PAPOLA: variants seen among roughly 807,000 people sequenced by gnomAD.
PAPOLA encodes polynucleotide adenylyltransferase alpha.
Under a neutral mutation model 100.6 loss-of-function variants are expected in PAPOLA, and 15 were observed. The observed-to-expected ratio is 0.15, with a 90% CI of 0.10 to 0.23. The LOEUF is 0.23. Among genes scored for constraint, PAPOLA ranks in the 10% least tolerant of loss-of-function variants. The probability of loss-of-function intolerance (pLI) is 1.00; values close to 1 mark genes in which losing one functional copy is unlikely to be tolerated. For missense variants in PAPOLA, 533 were observed against 884.2 expected (o/e 0.60, Z 5.04); for synonymous variants, 293 against 300.0 (o/e 0.98, Z 0.24).
chr14:96,509,629 C>G (rs1045379951), intron 1 of PAPOLA, among the ~76,000 whole-genome samples: 13 of 152,294 alleles, frequency 8.5e-5, no homozygotes, highest in African/African-American at 3.1e-4. Flanking sequence ...TGCTATGCAC[C>G]TAGGCCTATG....
chr14:96,519,151 C>T (rs1595508746), intron 1 of PAPOLA, among the ~76,000 whole-genome samples: 1 of 151,076 alleles, frequency 6.6e-6, no homozygotes, highest in African/African-American at 2.4e-5. Context: ...CTGGCCTCAA[C>T]TCCTGGGCTC....
Position 96,565,183 on chromosome 14 carries a change from C to T in PAPOLA, c.*133C>T, listed in dbSNP as rs1902176852. The T allele has an allele frequency of 1.6e-6, 1 of 609,582 alleles. No individual in the cohort carries two copies. Among genetic ancestry groups the T allele is most frequent in the Non-Finnish European group, 3.0e-6 (1 of 332,886 alleles). The allele number at this position is 609,582 out of a possible 1,614,324, so 37.8% of individuals were successfully genotyped here. A position where few individuals can be genotyped will look rare whatever the true frequency, so the allele number is the denominator to read the frequency against. On this transcript the variant is annotated 3_prime_UTR_variant, in exon 22 of 22. Coordinates refer to ENST00000216277, the MANE Select transcript of PAPOLA (RefSeq NM_032632.5). ...TTGGGTTTTTTGGTGACCTCCCTTA[C>T]TGGGCTAATCAGCACTTGATCGGAA... is the stretch of plus-strand genomic sequence containing the variant.
chr14:96,562,711 C>A (rs975126252), intron 20 of PAPOLA, 108 bp from the exon 21 acceptor site: 31 of 638,642 alleles, frequency 4.9e-5, no homozygotes, highest in Middle Eastern at 5.2e-4. Flanking sequence ...TTCTCTTGAT[C>A]CCTCCTGTCT....
intron 9 of PAPOLA, chr14:96,533,278 G>A: frequency 1.0e-6 from 1 of 984,858 alleles, no homozygotes. Context: ...TGGCCCAAAA[G>A]GTGAGGGTTC....
Position 96,520,990 on chromosome 14 carries a change from A to AT in PAPOLA, c.183-14dup, listed in dbSNP as rs781166417. On this transcript the variant is annotated splice_polypyrimidine_tract_variant and intron_variant, in intron 2 of 21. Coordinates refer to ENST00000216277, the MANE Select transcript of PAPOLA (RefSeq NM_032632.5). The stretch of plus-strand genomic sequence containing the variant: ...AATGATCTGGAATACTTGATTGATA[A>AT]TTGTTTTATCAACAGGATTTTAATT... The AT allele has an allele frequency of 5.1e-6, 6 of 1,167,184 alleles. No homozygotes were observed. The highest frequency in any genetic ancestry group is 7.8e-6 in the Non-Finnish European group (6 of 773,072). The allele number at this position is 1,167,184 out of a possible 1,614,324, so 72.3% of individuals were successfully genotyped here. A position where few individuals can be genotyped will look rare whatever the true frequency, so the allele number is the denominator to read the frequency against.
chr14:96,521,006 G>A lies in PAPOLA; in HGVS notation c.183G>A (p.Arg61=), dbSNP rs751468551. The change falls in exon 3 of 22, where the codon AGG becomes AGA. Residue 61 remains arginine (R), a splice_region_variant and synonymous_variant. Transcript: ENST00000216277. The part of the protein sequence containing the change: ...VFEEEEELQR[R]ILILGKLNNL... ...TGATTGATAATTGTTTTATCAACAG[G>A]ATTTTAATTTTGGGAAAACTAAATA... 103 of 1,413,926 alleles carry A rather than the reference G, an allele frequency of 7.3e-5. No homozygotes were observed. Among genetic ancestry groups the A allele is most frequent in the Non-Finnish European group, 7.8e-5 (78 of 998,304 alleles). The allele number at this position is 1,413,926 out of a possible 1,614,324, so 87.6% of individuals were successfully genotyped here. A position where few individuals can be genotyped will look rare whatever the true frequency, so the allele number is the denominator to read the frequency against.
chr14:96,534,313 ATAGT>A (rs747082652), intron 9 of PAPOLA, 174 bp from the exon 10 acceptor site: 171 of 1,386,912 alleles, frequency 1.2e-4, no homozygotes, highest in Non-Finnish European at 1.5e-4. Flanking sequence ...AGTTCATTTC[ATAGT>A]TAGGAGAAAA....
chr14:96,534,199 CATT>C (rs1329917937), intron 9 of PAPOLA: 17 of 1,188,582 alleles, frequency 1.4e-5, no homozygotes, highest in Non-Finnish European at 1.8e-5. Context: ...GTGGACACAT[CATT>C]ATCTTGGGAT....
chr14:96,531,629 CAG>C (rs773744080), intron 7 of PAPOLA, 43 bp downstream of exon 7: 6 of 1,562,790 alleles, frequency 3.8e-6, no homozygotes, highest in Middle Eastern at 1.7e-4. Flanking sequence ...CAGTTTTTGT[CAG>C]ATATTAGTTG....
chr14:96,539,515 C>G (rs531511372), intron 12 of PAPOLA, among the ~76,000 whole-genome samples: 1 of 152,036 alleles, frequency 6.6e-6, no homozygotes, highest in South Asian at 2.1e-4. Context: ...TGCATAAATT[C>G]TAATTATTTT....
chr14:96,530,339 G>A (rs1481846333), intron 6 of PAPOLA, among the ~76,000 whole-genome samples: 1 of 148,452 alleles, frequency 6.7e-6, no homozygotes, highest in African/African-American at 2.5e-5. Context: ...CCAGGTATTT[G>A]TACATTTCCA....
chr14:96,552,670 A>C (rs1353177190), intron 17 of PAPOLA, 48 bp downstream of exon 17: 2 of 1,510,802 alleles, frequency 1.3e-6, no homozygotes, highest in African/African-American at 1.4e-5. Context: ...TTGCTAAATC[A>C]ATCAGATACA....
chr14:96,509,831 C>T (rs1386501599), intron 1 of PAPOLA, among the ~76,000 whole-genome samples: 2 of 152,198 alleles, frequency 1.3e-5, no homozygotes, highest in Non-Finnish European at 2.9e-5. Context: ...CTGTCATTGA[C>T]TGAAGAATTC....
Position 96,562,819 on chromosome 14 carries a change from G to T in PAPOLA, c.2068G>T (p.Glu690Ter). 1.3e-6 allele frequency: 2 copies of T among 1,599,762 alleles called. No individual in the cohort carries two copies. The highest frequency in any genetic ancestry group is 2.2e-5 in the South Asian group (2 of 90,058). ...LSGHDKTEAK[E>*]QLDTETSTTQ... ...CTTCCCCATCCTCTTTGTCTCACAG[G>T]AACAACTTGATACAGAGACAAGTAC... The change falls in exon 21 of 22, where the codon GAA becomes TAA. Residue 690 changes from glutamate (E) to a stop codon, truncating the protein, a stop_gained and splice_region_variant. Transcript: ENST00000216277. LOFTEE classifies it high-confidence loss of function.
intron 10 of PAPOLA, chr14:96,534,785 TA>T: frequency 7.7e-7 from 1 of 1,294,526 alleles, no homozygotes; most frequent in Non-Finnish European, 9.8e-7. Context: ...ACATAGTTTT[TA>T]ATACAGATTT....
chr14:96,518,562 A>C (rs575525649), intron 1 of PAPOLA, among the ~76,000 whole-genome samples: 10 of 151,902 alleles, frequency 6.6e-5, no homozygotes, highest in African/African-American at 2.2e-4. Context: ...GGCGCCCGCC[A>C]CTACGCCCAG....
At chr14:96,506,866 A>T (rs1228037521) in intron 1 of PAPOLA, among the ~76,000 whole-genome samples, 1 of 152,216 alleles carries the variant, frequency 6.6e-6, no homozygotes, top group African/African-American at 2.4e-5. Flanking sequence ...GCTTATTAAT[A>T]GGGTTTTAAC....
chr14:96,540,118 A>G (rs971561924), intron 12 of PAPOLA, among the ~76,000 whole-genome samples: 3 of 152,182 alleles, frequency 2.0e-5, no homozygotes, highest in East Asian at 1.9e-4. Context: ...CTAGGATTCA[A>G]AACTTTGAAT....
Position 96,521,007 on chromosome 14 carries a change from AT to A in PAPOLA, c.188del (p.Leu63Ter). The A allele has an allele frequency of 7.0e-7, 1 of 1,431,078 alleles. No homozygotes were observed. Among genetic ancestry groups the A allele is most frequent in the Non-Finnish European group, 9.9e-7 (1 of 1,013,648 alleles). The allele number at this position is 1,431,078 out of a possible 1,614,324, so 88.6% of individuals were successfully genotyped here. ...FEEEEELQRRILILGKLNNLV... is the reference protein window; with the variant it reads ...FEEEEELQRRXLILGKLNNLV... ...GATTGATAATTGTTTTATCAACAGG[AT>A]TTTAATTTTGGGAAAACTAAATAAC... On this transcript the variant is annotated frameshift_variant and splice_region_variant, in exon 3 of 22. Transcript: ENST00000216277. LOFTEE classifies it high-confidence loss of function.
Sources: gnomAD v4.1 joint callset for allele counts (sites outside exome capture counted in the v4.1 genomes callset) on GRCh38, gnomAD v4.1.1 for gene constraint, MANE v1.5 for transcripts, NCBI Gene and HGNC (gene_info 2026-07-23, HGNC 2026-07-21) for gene names.